RNF216: variants seen among roughly 807,000 people sequenced by gnomAD.
RNF216 encodes the protein ring finger protein 216.
RNF216 carries 72 observed loss-of-function variants against 110.8 expected under a neutral mutation model. The observed-to-expected ratio is 0.65, with a 90% CI of 0.54 to 0.79. The LOEUF (loss-of-function observed/expected upper bound fraction) is 0.79, where lower values mean the gene tolerates loss of function less well. RNF216 is among the 30% of genes least tolerant of loss of function. The probability of loss-of-function intolerance (pLI) is 0.00; values close to 1 mark genes in which losing one functional copy is unlikely to be tolerated. For missense variants in RNF216, 1,342 were observed against 1,141.2 expected (o/e 1.18, Z -2.54); for synonymous variants, 495 against 407.5 (o/e 1.21, Z -2.59).
At chr7:5,664,933 A>T (rs2128589292) in intron 13 of RNF216, among the ~76,000 whole-genome samples, 1 of 152,272 alleles carries the variant, frequency 6.6e-6, no homozygotes. Context: ...AGTAGCTGGG[A>T]TTACAGGCGC....
intron 13 of RNF216, among the ~76,000 whole-genome samples, chr7:5,668,541 C>T (rs1442838472): frequency 6.6e-6 from 1 of 152,112 alleles, no homozygotes; most frequent in East Asian, 1.9e-4. Flanking sequence ...GACTTTTAAT[C>T]TTTCCCTCCT....
Position 5,628,026 on chromosome 7 carries a change from G to T in RNF216, c.2383-3901C>A, listed in dbSNP as rs575875313. On this transcript the variant is annotated intron_variant, in intron 15 of 16. Transcript: ENST00000389902. ...CAGGTTTCTGATACAGATCGGCGGG[G>T]TCTGGAGGACACTGCAGATAGAACC... Among the ~76,000 whole-genome samples, 16 of 152,312 alleles carry T rather than the reference G, an allele frequency of 1.1e-4. No individual in the cohort carries two copies. The East Asian group carries it at 3.1e-3, about 29-fold the overall frequency.
intron 2 of RNF216, chr7:5,760,553 C>CA (rs1257095424): frequency 1.0e-5 from 3 of 290,968 alleles, no homozygotes; most frequent in South Asian, 2.9e-5. Context: ...AACTGTAGAA[C>CA]AAAAAAATAC....
At chr7:5,690,259 G>A (rs1429010759) in intron 13 of RNF216, among the ~76,000 whole-genome samples, 4 of 151,422 alleles carry the variant, frequency 2.6e-5, no homozygotes, top group South Asian at 2.1e-4. Flanking sequence ...CACAGGAAGC[G>A]GAGGTTGCAG....
chr7:5,622,809 A>C lies in RNF216; in HGVS notation c.*51T>G. On this transcript the variant is annotated 3_prime_UTR_variant, in exon 17 of 17. Coordinates refer to ENST00000389902, the MANE Select transcript of RNF216 (RefSeq NM_207111.4). ...AGCCTTGGGGGAGGGTTCTCCATCC[A>C]CACTCCTACCCCAAACGGGCTTTGT... 1 of 1,517,826 alleles carries C rather than the reference A, an allele frequency of 6.6e-7. No homozygotes were observed. The highest frequency in any genetic ancestry group is 8.9e-7 in the Non-Finnish European group (1 of 1,122,338). The allele number at this position is 1,517,826 out of a possible 1,614,324, so 94.0% of individuals were successfully genotyped here.
intron 1 of RNF216, among the ~76,000 whole-genome samples, chr7:5,780,644 G>C (rs1797029387): frequency 6.6e-6 from 1 of 152,034 alleles, no homozygotes; most frequent in African/African-American, 2.4e-5. Flanking sequence ...GGCAGAGCTT[G>C]CAGTGAGCCG....
Position 5,777,934 on chromosome 7 carries a change from G to C in RNF216, c.-70+3607C>G, listed in dbSNP as rs1796873637. On this transcript the variant is annotated intron_variant, in intron 1 of 16. Transcript: ENST00000389902. ...TTAGTTTAGAAACTAGGACAGATAA[G>C]TAAGTACATCCTCATGTGTGGAGGG... Among the ~76,000 whole-genome samples the C allele has an allele frequency of 3.3e-5, 5 of 152,078 alleles. No individual in the cohort carries two copies. In the South Asian group the frequency reaches 1.0e-3, roughly 31 times the overall value.
intron 1 of RNF216, among the ~76,000 whole-genome samples, chr7:5,762,888 C>G (rs1441191441): frequency 6.6e-6 from 1 of 152,050 alleles, no homozygotes; most frequent in Non-Finnish European, 1.5e-5. Context: ...TATGTTAAAT[C>G]TGGGTAGCAG....
intron 13 of RNF216, among the ~76,000 whole-genome samples, chr7:5,684,935 A>G (rs1400981012): frequency 6.6e-6 from 1 of 152,164 alleles, no homozygotes; most frequent in African/African-American, 2.4e-5. Context: ...GTTAGTCTGT[A>G]GCTTTGTCAC....
At chr7:5,653,219 TCAC>T (rs1788505233) in intron 13 of RNF216, among the ~76,000 whole-genome samples, 2 of 152,126 alleles carry the variant, frequency 1.3e-5, no homozygotes, top group African/African-American at 2.4e-5. Flanking sequence ...TCTTAAATAA[TCAC>T]CACCTTTATT....
At position 5,624,597 on chromosome 7, in the gene RNF216, G is replaced by A. The variant is rs1786592813; in HGVS notation, c.2383-472C>T. Among the ~76,000 whole-genome samples the A allele has an allele frequency of 6.6e-6, 1 of 152,252 alleles. No individual in the cohort carries two copies. The highest frequency in any genetic ancestry group is 1.5e-5 in the Non-Finnish European group (1 of 68,038). On this transcript the variant is annotated intron_variant, in intron 15 of 16. Transcript: ENST00000389902. The surrounding 1 kb of genome is among the most constrained non-coding windows in gnomAD (Gnocchi z 4.4). ...ATGGACAAATGTCCAGTCGGGCCCTGCTTAGCCCCCAAGGCTGGCCTTGGC... is the reference window on the plus strand; with the variant it reads ...ATGGACAAATGTCCAGTCGGGCCCTACTTAGCCCCCAAGGCTGGCCTTGGC...
intron 3 of RNF216, among the ~76,000 whole-genome samples, chr7:5,742,562 GC>G (rs1205610181): frequency 7.1e-6 from 1 of 141,614 alleles, no homozygotes; most frequent in Non-Finnish European, 1.5e-5. Flanking sequence ...ATAATACCAA[GC>G]ATTGGTGAGG....
At chr7:5,641,638 T>A (rs1787739616) in intron 14 of RNF216, among the ~76,000 whole-genome samples, 1 of 152,142 alleles carries the variant, frequency 6.6e-6, no homozygotes, top group African/African-American at 2.4e-5. Context: ...CATGGTGTTT[T>A]GAGAATTACA....
chr7:5,760,454 C>T (rs7794945), intron 2 of RNF216: 2 of 384,730 alleles, frequency 5.2e-6, no homozygotes, highest in African/African-American at 2.1e-5. Flanking sequence ...AGGCGGAGCT[C>T]GTGGTGAGTC....
At chr7:5,694,024 G>A (rs1199267779) in intron 13 of RNF216, among the ~76,000 whole-genome samples, 3 of 152,154 alleles carry the variant, frequency 2.0e-5, no homozygotes, top group Admixed American at 6.5e-5. Context: ...ACAGTGAGAC[G>A]AATGCTCCCA....
chr7:5,656,716 T>C (rs1788769975), intron 13 of RNF216, among the ~76,000 whole-genome samples: 1 of 152,228 alleles, frequency 6.6e-6, no homozygotes. Context: ...AGGTCTTCAC[T>C]TTGCAATATA....
chr7:5,752,015 T>C (rs1795357396), intron 3 of RNF216, among the ~76,000 whole-genome samples: 1 of 151,774 alleles, frequency 6.6e-6, no homozygotes, highest in African/African-American at 2.4e-5. Flanking sequence ...GTTAAACCTA[T>C]CTCTGCTAAA....
rs758637412 is a variant in RNF216 at position 5,696,601 on chromosome 7, G to C, written c.2061+15160C>G. 1.4e-4 allele frequency among the ~76,000 whole-genome samples: 22 copies of C among 152,140 alleles called. No individual in the cohort carries two copies. The highest frequency in any genetic ancestry group is 2.8e-4 in the Non-Finnish European group (19 of 68,016). On this transcript the variant is annotated intron_variant, in intron 13 of 16. Coordinates refer to ENST00000389902, the MANE Select transcript of RNF216 (RefSeq NM_207111.4). This position sits in a 1 kb window ranked among gnomAD's most constrained non-coding sequence, Gnocchi z 5.4. ...CGTGTCCTATGGTCTCGCTTCGGCC[G>C]CTCTTCACCAAAGCCTCTTCCTTGG...
chr7:5,694,161 G>A (rs533905194), intron 13 of RNF216, among the ~76,000 whole-genome samples: 2 of 152,290 alleles, frequency 1.3e-5, no homozygotes, highest in South Asian at 2.1e-4. Flanking sequence ...ATCCAGAAAG[G>A]TCTTACTAAA....
Sources: gnomAD v4.1 joint callset for allele counts (sites outside exome capture counted in the v4.1 genomes callset) on GRCh38, gnomAD v4.1.1 for gene constraint, Gnocchi (gnomAD v3.1) non-coding constraint, MANE v1.5 for transcripts, NCBI Gene and HGNC (gene_info 2026-07-23, HGNC 2026-07-21) for gene names.